C8orf34: variants seen among roughly 807,000 people sequenced by gnomAD.
The protein encoded by C8orf34 is uncharacterized protein C8orf34.
C8orf34 carries 65 observed loss-of-function variants against 68.3 expected under a neutral mutation model. That is an observed-to-expected ratio of 0.95 (90% CI 0.78 to 1.17). The LOEUF is 1.17. Ranked by LOEUF, C8orf34 falls within the 50% of genes most tolerant of loss-of-function variation. The pLI is 0.00. For missense variants in C8orf34, 664 were observed against 655.4 expected, an observed-to-expected ratio of 1.01 and a Z score of -0.14; for synonymous variants, 244 against 241.2, an observed-to-expected ratio of 1.01 and a Z score of -0.11.
At chr8:68,774,322 G>GGT (rs111570038) in intron 10 of C8orf34, among the ~76,000 whole-genome samples, 4 of 114,368 alleles carry the variant, frequency 3.5e-5, no homozygotes, top group Non-Finnish European at 6.9e-5. Context: ...TAAAAATATG[G>GGT]GTGTGTGTGT....
chr8:68,360,684 A>G (rs943895106), intron 1 of C8orf34, among the ~76,000 whole-genome samples: 2 of 151,642 alleles, frequency 1.3e-5, no homozygotes, highest in South Asian at 2.1e-4. Context: ...GTTCTTCCCA[A>G]TATATATAAT....
Position 68,627,192 on chromosome 8 carries a change from C to T in C8orf34, c.1106-13184C>T, listed in dbSNP as rs767212336. 3.9e-5 allele frequency among the ~76,000 whole-genome samples: 6 copies of T among 152,176 alleles called. No individual in the cohort carries two copies. The South Asian group carries it at 8.3e-4, about 21-fold the overall frequency. ...GGTACCATCCTTGCCTTCTCCAGGT[C>T]GACACTCTGAACGTTCTGCCTGACT... On this transcript the variant is annotated intron_variant, in intron 7 of 13. Coordinates refer to ENST00000518698, the MANE Select transcript of C8orf34 (RefSeq NM_052958.4).
intron 1 of C8orf34, among the ~76,000 whole-genome samples, chr8:68,416,946 T>C (rs1006493098): frequency 1.3e-5 from 2 of 152,192 alleles, no homozygotes; most frequent in Non-Finnish European, 2.9e-5. Flanking sequence ...CACCATTACT[T>C]TCCTCTGAGT....
At chr8:68,563,269 A>G (rs1816488790) in intron 7 of C8orf34, among the ~76,000 whole-genome samples, 1 of 152,232 alleles carries the variant, frequency 6.6e-6, no homozygotes, top group South Asian at 2.1e-4. Context: ...GCAAAGATAC[A>G]TGAAGCGTGT....
chr8:68,629,053 C>T (rs1040672334), intron 7 of C8orf34, among the ~76,000 whole-genome samples: 2 of 152,090 alleles, frequency 1.3e-5, no homozygotes, highest in Non-Finnish European at 2.9e-5. Context: ...ATGTAGTACT[C>T]TCTTCTTTAT....
chr8:68,534,955 T>A (rs2129856396), intron 7 of C8orf34: 1 of 985,376 alleles, frequency 1.0e-6, no homozygotes, highest in East Asian at 1.1e-4. Context: ...TCTGAGCAAG[T>A]TTAATAATAA....
At chr8:68,405,571 T>G (rs573188312) in intron 1 of C8orf34, among the ~76,000 whole-genome samples, 1 of 152,284 alleles carries the variant, frequency 6.6e-6, no homozygotes, top group South Asian at 2.1e-4. Flanking sequence ...CCAGGGAGTA[T>G]CCACTTATGT....
intron 5 of C8orf34, among the ~76,000 whole-genome samples, chr8:68,489,740 A>C (rs1813232052): frequency 6.6e-6 from 1 of 152,190 alleles, no homozygotes; most frequent in Admixed American, 6.5e-5. Context: ...GGTATCATAT[A>C]AATCCTGACA....
chr8:68,454,640 T>C (rs1408469616), intron 3 of C8orf34, among the ~76,000 whole-genome samples: 1 of 152,048 alleles, frequency 6.6e-6, no homozygotes, highest in Non-Finnish European at 1.5e-5. Flanking sequence ...TTGAGTTTTC[T>C]TTTTCAATCA....
chr8:68,615,603 C>T (rs538182694), intron 7 of C8orf34, among the ~76,000 whole-genome samples: 12 of 152,196 alleles, frequency 7.9e-5, no homozygotes, highest in Middle Eastern at 3.4e-3. Context: ...TATTGATTTG[C>T]GTATATTGAA....
At chr8:68,569,239 A>T (rs958308822) in intron 7 of C8orf34, among the ~76,000 whole-genome samples, 12 of 152,254 alleles carry the variant, frequency 7.9e-5, no homozygotes, top group African/African-American at 2.9e-4. Context: ...ATATTGTGTG[A>T]TACAGAATAA....
intron 1 of C8orf34, among the ~76,000 whole-genome samples, chr8:68,364,994 G>A (rs1228790068): frequency 7.9e-5 from 12 of 151,210 alleles, no homozygotes; most frequent in African/African-American, 1.2e-4. Context: ...TTGATAGACC[G>A]CTAGCAAGAT....
chr8:68,805,016 A>G (rs1191948682), intron 12 of C8orf34, among the ~76,000 whole-genome samples: 1 of 152,222 alleles, frequency 6.6e-6, no homozygotes, highest in South Asian at 2.1e-4. Context: ...GGTATTAAAG[A>G]CAGAAATTAT....
intron 4 of C8orf34, among the ~76,000 whole-genome samples, chr8:68,482,826 T>G (rs1812917886): frequency 6.6e-6 from 1 of 152,126 alleles, no homozygotes; most frequent in South Asian, 2.1e-4. Context: ...ATGTGGGGAG[T>G]TGGTTTTCAG....
At chr8:68,448,385 T>A (rs115062739) in intron 3 of C8orf34, among the ~76,000 whole-genome samples, 2,271 of 152,258 alleles carry the variant, frequency 0.015, 66 homozygotes, top group African/African-American at 0.053. Flanking sequence ...TTAATATATA[T>A]GACAATAAGA....
At chr8:68,616,216 T>A (rs1818208026) in intron 7 of C8orf34, among the ~76,000 whole-genome samples, 1 of 151,986 alleles carries the variant, frequency 6.6e-6, no homozygotes, top group African/African-American at 2.4e-5. Flanking sequence ...GGTCTATCAA[T>A]TTTGTTGATC....
At chr8:68,776,267 C>A in intron 10 of C8orf34, 132 bp from the exon 11 acceptor site, 1 of 688,018 alleles carries the variant, frequency 1.5e-6, no homozygotes, top group East Asian at 2.9e-5. Context: ...AACAATCCCA[C>A]AAGTATCAAC....
intron 3 of C8orf34, 135 bp from the exon 4 acceptor site, chr8:68,468,557 C>G (rs910534682): frequency 5.0e-6 from 4 of 806,568 alleles, no homozygotes; most frequent in African/African-American, 1.8e-5. Flanking sequence ...TTTTTTCTCA[C>G]AAGCAAACCA....
At chr8:68,445,038 C>A (rs190860989) in intron 2 of C8orf34, among the ~76,000 whole-genome samples, 1 of 152,150 alleles carries the variant, frequency 6.6e-6, no homozygotes, top group African/African-American at 2.4e-5. Flanking sequence ...TTTTGAATGG[C>A]CTATATCCTG....
Sources: gnomAD v4.1 joint callset for allele counts (sites outside exome capture counted in the v4.1 genomes callset) on GRCh38, gnomAD v4.1.1 for gene constraint, MANE v1.5 for transcripts, NCBI Gene and HGNC (gene_info 2026-07-23, HGNC 2026-07-21) for gene names.